Variants in EPHA6 observed in about 807,000 individuals in gnomAD.
EPHA6 encodes ephrin type-A receptor 6.
EPHA6 carries 50 observed loss-of-function variants against 112.0 expected under a neutral mutation model. That is an observed-to-expected ratio of 0.45 (90% CI 0.36 to 0.56). The LOEUF is 0.56. EPHA6 is among the 20% of genes least tolerant of loss of function. The pLI, the probability that EPHA6 is intolerant of heterozygous loss-of-function variation, is 0.00. For synonymous variants in EPHA6, 529 were observed against 490.7 expected, an observed-to-expected ratio of 1.08 and a Z score of -1.03; for missense variants, 1,280 against 1,417.4, an observed-to-expected ratio of 0.90 and a Z score of 1.56.
chr3:97,177,389 G>T (rs2076865409), intron 3 of EPHA6, among the ~76,000 whole-genome samples: 1 of 151,784 alleles, frequency 6.6e-6, no homozygotes, highest in South Asian at 2.1e-4. Flanking sequence ...TCTATTATGT[G>T]CATTTGATCT....
chr3:97,116,292 T>C (rs1310064025), intron 3 of EPHA6, among the ~76,000 whole-genome samples: 3 of 151,706 alleles, frequency 2.0e-5, no homozygotes, highest in African/African-American at 7.2e-5. Context: ...TTAGTATACA[T>C]TTTAAAATGA....
intron 2 of EPHA6, among the ~76,000 whole-genome samples, chr3:96,873,895 A>G (rs1052175764): frequency 1.3e-5 from 2 of 152,148 alleles, no homozygotes; most frequent in Non-Finnish European, 2.9e-5. Context: ...CATTTTACAT[A>G]CTTTTCGTGA....
chr3:97,119,047 C>T (rs1037891517), intron 3 of EPHA6, among the ~76,000 whole-genome samples: 1 of 151,738 alleles, frequency 6.6e-6, no homozygotes, highest in Non-Finnish European at 1.5e-5. Flanking sequence ...ATATCAATAC[C>T]ATATATATCT....
chr3:97,308,044 C>T (rs2081393579), intron 5 of EPHA6, among the ~76,000 whole-genome samples: 2 of 151,518 alleles, frequency 1.3e-5, no homozygotes, highest in Admixed American at 1.3e-4. Context: ...ACACACAGCC[C>T]TCAACCTGGG....
Position 96,967,181 on chromosome 3 carries a change from T to TACACACACAC in EPHA6, c.451-20132_451-20123dup, listed in dbSNP as rs144463079. Reference sequence around the variant, plus strand: ...TGTGAGTGTGCTTCAATGCTATGAATACACACACACACACACACACACACA... The same window carrying TACACACACAC: ...TGTGAGTGTGCTTCAATGCTATGAATACACACACACACACACACACACACACACACACACA... On this transcript the variant is annotated intron_variant, in intron 2 of 17. Coordinates refer to ENST00000389672, the MANE Select transcript of EPHA6 (RefSeq NM_001080448.3). Among the ~76,000 whole-genome samples the TACACACACAC allele has an allele frequency of 3.1e-3, 457 of 146,144 alleles. 5 individuals are homozygous for TACACACACAC. Among genetic ancestry groups the TACACACACAC allele is most frequent in the African/African-American group, 0.011 (448 of 40,302 alleles).
chr3:97,183,963 G>C (rs1204987488), intron 3 of EPHA6, among the ~76,000 whole-genome samples: 1 of 151,910 alleles, frequency 6.6e-6, no homozygotes, highest in East Asian at 1.9e-4. Context: ...AATAATAATG[G>C]CTTCATTGTT....
intron 12 of EPHA6, among the ~76,000 whole-genome samples, chr3:97,605,839 G>C (rs2107436782): frequency 6.6e-6 from 1 of 151,604 alleles, no homozygotes; most frequent in African/African-American, 2.4e-5. Flanking sequence ...GGGCAGTATG[G>C]CCATTTAAAT....
At chr3:96,921,192 T>G (rs1224031034) in intron 2 of EPHA6, among the ~76,000 whole-genome samples, 2 of 152,224 alleles carry the variant, frequency 1.3e-5, no homozygotes, top group East Asian at 3.9e-4. Context: ...TCCTTCATGA[T>G]AGGCAGTATA....
chr3:97,696,979 A>G (rs1314307856), intron 14 of EPHA6, among the ~76,000 whole-genome samples: 7 of 152,190 alleles, frequency 4.6e-5, no homozygotes, highest in Admixed American at 2.0e-4. Context: ...CTAGCAAAAT[A>G]TGGTTGTTCA....
intron 5 of EPHA6, among the ~76,000 whole-genome samples, chr3:97,368,815 G>A (rs2084887676): frequency 6.6e-6 from 1 of 152,026 alleles, no homozygotes; most frequent in South Asian, 2.1e-4. Flanking sequence ...CCAGGTGCTT[G>A]TGACAATGAT....
rs573839764 is a variant in EPHA6, at chr3:97,043,378, AG to A, written c.1114+55387del. On this transcript the variant is annotated intron_variant, in intron 3 of 17. Coordinates refer to ENST00000389672, the MANE Select transcript of EPHA6 (RefSeq NM_001080448.3). ...CTTTATAAGGCCACATGTCCCAGAA[AG>A]GTACCTTAATCCTCTGAGCAGGAAT... 1.2e-3 allele frequency among the ~76,000 whole-genome samples: 179 copies of A among 152,282 alleles called. 1 individual carries two copies. The highest frequency in any genetic ancestry group is 4.1e-3 in the African/African-American group (171 of 41,574).
At chr3:97,621,310 A>G (rs997530520) in intron 13 of EPHA6, among the ~76,000 whole-genome samples, 1 of 151,900 alleles carries the variant, frequency 6.6e-6, no homozygotes, top group African/African-American at 2.4e-5. Flanking sequence ...AAAATAACTA[A>G]TGGATGCTAG....
At chr3:97,498,998 C>T (rs771249779) in intron 10 of EPHA6, among the ~76,000 whole-genome samples, 40 of 152,096 alleles carry the variant, frequency 2.6e-4, no homozygotes, top group Non-Finnish European at 4.1e-4. Context: ...ATTTCCATTA[C>T]GATTATAGAA....
intron 5 of EPHA6, among the ~76,000 whole-genome samples, chr3:97,349,255 A>G (rs971825645): frequency 6.6e-6 from 1 of 152,052 alleles, no homozygotes; most frequent in African/African-American, 2.4e-5. Flanking sequence ...TTTGATCAGG[A>G]TTTTAGTTTT....
At chr3:97,160,856 G>C (rs974989113) in intron 3 of EPHA6, among the ~76,000 whole-genome samples, 1 of 152,134 alleles carries the variant, frequency 6.6e-6, no homozygotes, top group Admixed American at 6.6e-5. Flanking sequence ...CCCTAGTTCT[G>C]TAGCTGTCTA....
chr3:97,460,862 A>C (rs866069049), intron 7 of EPHA6, among the ~76,000 whole-genome samples: 3 of 152,134 alleles, frequency 2.0e-5, no homozygotes, highest in African/African-American at 7.2e-5. Context: ...CCACATGTTC[A>C]TGCTGAGGTC....
chr3:97,342,462 T>C (rs999521045), intron 5 of EPHA6, among the ~76,000 whole-genome samples: 7 of 152,214 alleles, frequency 4.6e-5, no homozygotes, highest in Non-Finnish European at 1.0e-4. Flanking sequence ...CTGTATACTT[T>C]TCCCTTTTCC....
intron 2 of EPHA6, among the ~76,000 whole-genome samples, chr3:96,931,152 G>A (rs908310933): frequency 7.2e-5 from 11 of 152,066 alleles, no homozygotes; most frequent in African/African-American, 2.4e-4. Flanking sequence ...CAAGGTGGTG[G>A]CCTGCCCCAC....
chr3:97,190,408 A>C (rs911688227), intron 3 of EPHA6, among the ~76,000 whole-genome samples: 1 of 151,916 alleles, frequency 6.6e-6, no homozygotes, highest in Non-Finnish European at 1.5e-5. Context: ...CAACTTCTTT[A>C]CCCCTTAAGT....
Sources: allele counts gnomAD v4.1 joint callset (sites outside exome capture counted in the v4.1 genomes callset), GRCh38; gene constraint gnomAD v4.1.1; transcripts MANE v1.5; gene names NCBI Gene and HGNC (gene_info 2026-07-23, HGNC 2026-07-21).